ATRNL1: variants seen among roughly 807,000 people sequenced by gnomAD.
ATRNL1 encodes attractin-like protein 1.
In ATRNL1, 95 loss-of-function variants were observed where a neutral mutation model predicts 182.7. That is an observed-to-expected ratio of 0.52 (90% confidence interval 0.44 to 0.62). The LOEUF is 0.62. ATRNL1 is among the 20% of genes least tolerant of loss of function. ATRNL1 has a pLI of 0.00. For missense variants in ATRNL1, 1,471 were observed against 1,679.5 expected, an observed-to-expected ratio of 0.88 and a Z score of 2.17; for synonymous variants, 576 against 568.3, an observed-to-expected ratio of 1.01 and a Z score of -0.19.
At chr10:115,400,538 G>C (rs1844515474) in intron 20 of ATRNL1, among the ~76,000 whole-genome samples, 1 of 152,010 alleles carries the variant, frequency 6.6e-6, no homozygotes, top group Admixed American at 6.6e-5. Context: ...TATTGTCAGT[G>C]GTGTGTTAAT....
chr10:115,810,873 T>G (rs1565399540), intron 27 of ATRNL1, among the ~76,000 whole-genome samples: 1 of 151,892 alleles, frequency 6.6e-6, no homozygotes, highest in Non-Finnish European at 1.5e-5. Context: ...TTGATATATG[T>G]TGTTTCTTTT....
rs782486857 is a variant in ATRNL1, at chr10:115,241,583, A to G, written c.1545A>G (p.Lys515=). ...TTTTATTCTGTAGGACTATTTTGAA[A>G]GAAAGTGGGTTTGCCAGATACCTTC... ...EVNTKTWTIL[K]ESGFARYLHS... The change falls in exon 10 of 29, where the codon AAA becomes AAG. Residue 515 remains lysine (K), a synonymous_variant. Transcript: ENST00000355044. 4 of 1,600,616 alleles carry G rather than the reference A, an allele frequency of 2.5e-6. No individual in the cohort carries two copies. In the Admixed American group the frequency reaches 5.0e-5, roughly 20 times the overall value.
At chr10:115,165,035 T>C (rs1426018475) in intron 6 of ATRNL1, among the ~76,000 whole-genome samples, 7 of 152,062 alleles carry the variant, frequency 4.6e-5, no homozygotes, top group African/African-American at 1.7e-4. Flanking sequence ...CTAATTACCT[T>C]GATTTGATCA....
intron 5 of ATRNL1, among the ~76,000 whole-genome samples, chr10:115,152,903 T>A (rs1280097083): frequency 6.6e-6 from 1 of 152,128 alleles, no homozygotes; most frequent in Admixed American, 6.5e-5. Flanking sequence ...ATACCGAATT[T>A]ATTGAGATTT....
intron 19 of ATRNL1, among the ~76,000 whole-genome samples, chr10:115,379,614 ACAT>A (rs1483553774): frequency 1.3e-5 from 2 of 152,208 alleles, no homozygotes; most frequent in Non-Finnish European, 2.9e-5. Context: ...ATATTAAAAG[ACAT>A]CATGATATAT....
In ATRNL1 at chr10:115,811,000, A is replaced by G. The variant is rs541952484; in HGVS notation, c.3904-36877A>G. Among the ~76,000 whole-genome samples, 248 of 151,700 alleles carry G rather than the reference A, an allele frequency of 1.6e-3. 11 individuals are homozygous for G. In the South Asian group the frequency reaches 0.049, roughly 30 times the overall value. On this transcript the variant is annotated intron_variant, in intron 27 of 28. Transcript: ENST00000355044. ...TATTTTGCATGTTATTGATATTTGT[A>G]TCTTTATTATTTCCTTCTCTCTCTT...
At chr10:115,524,938 C>G (rs1851133124) in intron 25 of ATRNL1, among the ~76,000 whole-genome samples, 1 of 152,148 alleles carries the variant, frequency 6.6e-6, no homozygotes, top group South Asian at 2.1e-4. Flanking sequence ...CTGCTTATTC[C>G]TCCTGTACTG....
At chr10:115,176,637 A>C (rs1847520262) in intron 8 of ATRNL1, among the ~76,000 whole-genome samples, 3 of 152,068 alleles carry the variant, frequency 2.0e-5, no homozygotes, top group Admixed American at 2.0e-4. Context: ...GAAAGATGAA[A>C]TTGCCATCAA....
intron 10 of ATRNL1, among the ~76,000 whole-genome samples, chr10:115,258,914 C>T (rs782357868): frequency 3.9e-5 from 6 of 152,166 alleles, no homozygotes; most frequent in East Asian, 3.9e-4. Context: ...AGGTTCACTC[C>T]GGACCCTGTT....
At chr10:115,282,770 T>C (rs1326918345) in intron 14 of ATRNL1, among the ~76,000 whole-genome samples, 1 of 145,800 alleles carries the variant, frequency 6.9e-6, no homozygotes, top group East Asian at 1.9e-4. Flanking sequence ...TTCTGTTTAG[T>C]ATTTTACCTC....
At chr10:115,916,983 A>G (rs1232179555) in intron 28 of ATRNL1, among the ~76,000 whole-genome samples, 1 of 152,206 alleles carries the variant, frequency 6.6e-6, no homozygotes, top group Non-Finnish European at 1.5e-5. Context: ...TTAAGTTCCC[A>G]GTTTTCACTT....
At chr10:115,668,017 G>A (rs986074061) in intron 26 of ATRNL1, among the ~76,000 whole-genome samples, 5 of 151,976 alleles carry the variant, frequency 3.3e-5, no homozygotes, top group Non-Finnish European at 5.9e-5. Flanking sequence ...TAGTTTCAAA[G>A]GATGGAGATG....
In ATRNL1 at chr10:115,620,785, T is replaced by C. The variant is rs545521337; in HGVS notation, c.3795+71249T>C. Among the ~76,000 whole-genome samples the C allele has an allele frequency of 1.2e-3, 189 of 152,346 alleles. 3 individuals carry two copies. The highest frequency in any genetic ancestry group is 3.5e-4 in the Non-Finnish European group (24 of 68,030). ...CCCTGTAGACACAACATACTACGTG[T>C]GTAAACACACATGAACACATATGTA... On this transcript the variant is annotated intron_variant, in intron 26 of 28. Coordinates refer to ENST00000355044, the MANE Select transcript of ATRNL1 (RefSeq NM_207303.4).
At chr10:115,161,889 C>A (rs1846803636) in intron 6 of ATRNL1, among the ~76,000 whole-genome samples, 1 of 151,902 alleles carries the variant, frequency 6.6e-6, no homozygotes, top group Non-Finnish European at 1.5e-5. Context: ...TAATCATCTT[C>A]TATAGTGGAA....
At chr10:115,755,205 T>C (rs1457051517) in intron 27 of ATRNL1, among the ~76,000 whole-genome samples, 2 of 152,142 alleles carry the variant, frequency 1.3e-5, no homozygotes, top group Non-Finnish European at 2.9e-5. Context: ...TCCAATACTA[T>C]GTTGAAGAGG....
At chr10:115,126,190 T>G (rs1554873463) in intron 3 of ATRNL1, among the ~76,000 whole-genome samples, 1 of 152,172 alleles carries the variant, frequency 6.6e-6, no homozygotes, top group African/African-American at 2.4e-5. Context: ...CCCGAGTAGC[T>G]GAGACTACAG....
chr10:115,577,251 A>G (rs1215029403), intron 26 of ATRNL1, among the ~76,000 whole-genome samples: 1 of 151,450 alleles, frequency 6.6e-6, no homozygotes, highest in African/African-American at 2.4e-5. Flanking sequence ...TGTTTTTTCT[A>G]TTTCTATGAA....
intron 26 of ATRNL1, among the ~76,000 whole-genome samples, chr10:115,699,694 T>C (rs1555050909): frequency 6.6e-6 from 1 of 152,202 alleles, no homozygotes; most frequent in Non-Finnish European, 1.5e-5. Flanking sequence ...TTTTAAATAA[T>C]TGCAGCTTTT....
At chr10:115,428,935 G>A (rs1427884020) in intron 21 of ATRNL1, among the ~76,000 whole-genome samples, 1 of 152,068 alleles carries the variant, frequency 6.6e-6, no homozygotes, top group Non-Finnish European at 1.5e-5. Context: ...TTTCCAGAAT[G>A]TTGGTAACAT....
Sources: gnomAD v4.1 joint callset for allele counts (sites outside exome capture counted in the v4.1 genomes callset) on GRCh38, gnomAD v4.1.1 for gene constraint, MANE v1.5 for transcripts, NCBI Gene and HGNC (gene_info 2026-07-23, HGNC 2026-07-21) for gene names.